Variants in ACTN1 observed in about 807,000 individuals in gnomAD.
The protein encoded by ACTN1 is actinin alpha 1, also known as alpha-actinin-1.
In ACTN1, 30 loss-of-function variants were observed where a neutral mutation model predicts 119.6. The observed-to-expected ratio is 0.25, with a 90% CI of 0.19 to 0.34. The LOEUF (loss-of-function observed/expected upper bound fraction) is 0.34. ACTN1 is among the 10% of genes least tolerant of loss of function. The probability of loss-of-function intolerance (pLI) is 1.00; values close to 1 mark genes in which losing one functional copy is unlikely to be tolerated. For missense variants in ACTN1, 764 were observed against 1,223.4 expected (o/e 0.62, Z 5.60); for synonymous variants, 429 against 472.6 (o/e 0.91, Z 1.20).
At chr14:68,931,006 C>T (rs770139081) in intron 1 of ACTN1, among the ~76,000 whole-genome samples, 4 of 152,204 alleles carry the variant, frequency 2.6e-5, no homozygotes, top group Non-Finnish European at 2.9e-5. Flanking sequence ...CCAGTCCACA[C>T]GGCTGGATTA....
intron 1 of ACTN1, among the ~76,000 whole-genome samples, chr14:68,961,164 C>A (rs963927562): frequency 2.0e-5 from 3 of 152,160 alleles, no homozygotes; most frequent in Non-Finnish European, 4.4e-5. Flanking sequence ...TACAAATAAA[C>A]ATGTATTTAT....
chr14:68,931,380 T>C (rs1341872978), intron 1 of ACTN1, among the ~76,000 whole-genome samples: 1 of 152,164 alleles, frequency 6.6e-6, no homozygotes, highest in Non-Finnish European at 1.5e-5. Flanking sequence ...AGAGAGATCA[T>C]TACAGATGGT....
chr14:68,943,036 T>C lies in ACTN1; in HGVS notation c.106-17364A>G, dbSNP rs28593625. Among the ~76,000 whole-genome samples, 482 of 152,062 alleles carry C rather than the reference T, an allele frequency of 3.2e-3. 1 individual carries two copies. Among genetic ancestry groups the C allele is most frequent in the African/African-American group, 0.011 (441 of 41,450 alleles). ...TTCTCCCAAAACACAAACACACAGA[T>C]CAGCACATTAAAAAGCAGCACAGAA... is the stretch of plus-strand genomic sequence containing the variant. On this transcript the variant is annotated intron_variant, in intron 1 of 21. Transcript: ENST00000394419.
At chr14:68,908,013 T>A (rs1379986655) in intron 6 of ACTN1, among the ~76,000 whole-genome samples, 1 of 151,694 alleles carries the variant, frequency 6.6e-6, no homozygotes, top group African/African-American at 2.4e-5. Flanking sequence ...AGGTTCTCTT[T>A]TTTTTTTTTT....
Position 68,884,988 on chromosome 14 carries a change from G to A in ACTN1, c.1386-105C>T, listed in dbSNP as rs2031871734. 4 of 907,308 alleles carry A rather than the reference G, an allele frequency of 4.4e-6. No homozygotes were observed. In the Admixed American group the frequency reaches 6.1e-5, roughly 14 times the overall value. The allele number at this position is 907,308 out of a possible 1,614,324, so 56.2% of individuals were successfully genotyped here. ...GGGGTGGCTGGTGGTGCTGGGAAGAGCCAGGGGCGCTCCCTTCAAGAGACC... is the reference window on the plus strand; with the variant it reads ...GGGGTGGCTGGTGGTGCTGGGAAGAACCAGGGGCGCTCCCTTCAAGAGACC... On this transcript the variant is annotated intron_variant, in intron 12 of 21. Coordinates refer to ENST00000394419, the MANE Select transcript of ACTN1 (RefSeq NM_001130004.2).
At chr14:68,890,679 C>A (rs983423850) in intron 10 of ACTN1, among the ~76,000 whole-genome samples, 1 of 152,224 alleles carries the variant, frequency 6.6e-6, no homozygotes, top group Admixed American at 6.5e-5. Flanking sequence ...CAACAATGTG[C>A]AATGAGGCAA....
At chr14:68,920,613 C>T (rs1331455768) in intron 3 of ACTN1, among the ~76,000 whole-genome samples, 1 of 152,156 alleles carries the variant, frequency 6.6e-6, no homozygotes, top group African/African-American at 2.4e-5. Flanking sequence ...CGGGGAGTCT[C>T]GGGGCAGCCT....
chr14:68,943,562 G>A (rs574563400), intron 1 of ACTN1, among the ~76,000 whole-genome samples: 2 of 152,238 alleles, frequency 1.3e-5, no homozygotes, highest in South Asian at 2.1e-4. Flanking sequence ...AAAGATCAGC[G>A]TTCCATCCTC....
chr14:68,978,361 A>C (rs1170672966), intron 1 of ACTN1: 1 of 381,214 alleles, frequency 2.6e-6, no homozygotes, highest in South Asian at 1.9e-5. Flanking sequence ...TACGCCCCCC[A>C]GTTTTCTCGT....
At chr14:68,963,608 A>G (rs1460052576) in intron 1 of ACTN1, among the ~76,000 whole-genome samples, 1 of 152,220 alleles carries the variant, frequency 6.6e-6, no homozygotes, top group Non-Finnish European at 1.5e-5. Context: ...GCTGGAACCC[A>G]ACACCACCTG....
rs1002524197 is a variant in ACTN1, at chr14:68,925,938, C to G, written c.106-266G>C. 8.5e-5 allele frequency among the ~76,000 whole-genome samples: 13 copies of G among 152,232 alleles called. No homozygotes were observed. The highest frequency in any genetic ancestry group is 3.1e-4 in the African/African-American group (13 of 41,452). Reference sequence around the variant, plus strand: ...AGCAGCAAATTCCCTTAACATCCGCCTCCCAGCCCTCTCTCAAAGACTCAT... The same window carrying G: ...AGCAGCAAATTCCCTTAACATCCGCGTCCCAGCCCTCTCTCAAAGACTCAT... On this transcript the variant is annotated intron_variant, in intron 1 of 21. Coordinates refer to ENST00000394419, the MANE Select transcript of ACTN1 (RefSeq NM_001130004.2). The surrounding 1 kb of genome is among the most constrained non-coding windows in gnomAD (Gnocchi z 4.3).
At position 68,882,632 on chromosome 14, in the gene ACTN1, G is replaced by T; in HGVS notation, c.1819-40C>A. ...ACAAGGCGACTTTCAGGATGGGTCA[G>T]CCATCTGTCCATGTGCCAGATGAGG... is the stretch of plus-strand genomic sequence containing the variant. On this transcript the variant is annotated intron_variant, in intron 15 of 21. Coordinates refer to ENST00000394419, the MANE Select transcript of ACTN1 (RefSeq NM_001130004.2). This position sits in a 1 kb window ranked among gnomAD's most constrained non-coding sequence, Gnocchi z 4.5. 6.2e-7 allele frequency: 1 copy of T among 1,611,726 alleles called. No homozygotes were observed.
At chr14:68,942,590 A>C (rs1300120547) in intron 1 of ACTN1, among the ~76,000 whole-genome samples, 1 of 152,110 alleles carries the variant, frequency 6.6e-6, no homozygotes, top group Non-Finnish European at 1.5e-5. Flanking sequence ...GCTCAAAACT[A>C]AAATGCATCT....
intron 1 of ACTN1, among the ~76,000 whole-genome samples, chr14:68,941,245 G>T (rs2035754201): frequency 6.6e-6 from 1 of 152,236 alleles, no homozygotes; most frequent in Non-Finnish European, 1.5e-5. Flanking sequence ...GGATAATTCA[G>T]TGCGGTGGTT....
chr14:68,929,462 G>GC (rs57776588), intron 1 of ACTN1, among the ~76,000 whole-genome samples: 101,062 of 151,860 alleles, frequency 0.67, 34,213 homozygotes, highest in East Asian at 0.99. Flanking sequence ...CCATGTTACT[G>GC]CTCAGCCCGA....
intron 1 of ACTN1, among the ~76,000 whole-genome samples, chr14:68,952,726 G>C (rs2036210587): frequency 6.6e-6 from 1 of 151,954 alleles, no homozygotes; most frequent in Non-Finnish European, 1.5e-5. Flanking sequence ...TAAACGTTCA[G>C]TATCTTCTCT....
At chr14:68,875,369 G>C (rs1440235255) in intron 21 of ACTN1, among the ~76,000 whole-genome samples, 1 of 152,256 alleles carries the variant, frequency 6.6e-6, no homozygotes, top group African/African-American at 2.4e-5. Context: ...GGAGCGTATA[G>C]GTTCCTGGGG....
Position 68,874,807 on chromosome 14 carries a change from A to G in ACTN1, c.*52T>C. 6.9e-7 allele frequency: 1 copy of G among 1,457,934 alleles called. No individual in the cohort carries two copies. The highest frequency in any genetic ancestry group is 2.4e-5 in the East Asian group (1 of 40,864). The allele number at this position is 1,457,934 out of a possible 1,614,324, so 90.3% of individuals were successfully genotyped here. A position where few individuals can be genotyped will look rare whatever the true frequency, so the allele number is the denominator to read the frequency against. ...CCAGGCAGGAGATGGGCGACGGCGGAGGTGCAAGGCAGGGCACGGCGCACA... is the reference window on the plus strand; with the variant it reads ...CCAGGCAGGAGATGGGCGACGGCGGGGGTGCAAGGCAGGGCACGGCGCACA... On this transcript the variant is annotated 3_prime_UTR_variant, in exon 22 of 22. Coordinates refer to ENST00000394419, the MANE Select transcript of ACTN1 (RefSeq NM_001130004.2).
intron 11 of ACTN1, among the ~76,000 whole-genome samples, chr14:68,888,959 G>T (rs1319270601): frequency 6.6e-6 from 1 of 152,168 alleles, no homozygotes; most frequent in Non-Finnish European, 1.5e-5. Flanking sequence ...CTCCCAAATG[G>T]CCTTGGGGTA....
Sources: gnomAD v4.1 joint callset for allele counts (sites outside exome capture counted in the v4.1 genomes callset) on GRCh38, gnomAD v4.1.1 for gene constraint, Gnocchi (gnomAD v3.1) non-coding constraint, MANE v1.5 for transcripts, NCBI Gene and HGNC (gene_info 2026-07-23, HGNC 2026-07-21) for gene names.